RARS1: variants seen among roughly 807,000 people sequenced by gnomAD.
The protein encoded by RARS1 is arginyl-tRNA synthetase 1, also known as arginine--tRNA ligase, cytoplasmic.
Under a neutral mutation model 78.7 loss-of-function variants are expected in RARS1, and 75 were observed. The observed-to-expected ratio is 0.95, with a 90% CI of 0.79 to 1.15. The LOEUF (loss-of-function observed/expected upper bound fraction) is 1.15. RARS1 is among the 50% of genes most tolerant of loss of function. RARS1 has a pLI of 0.00. For synonymous variants in RARS1, 273 were observed against 268.2 expected, an observed-to-expected ratio of 1.02 and a Z score of -0.18; for missense variants, 787 against 787.5, an observed-to-expected ratio of 1.00 and a Z score of 0.01.
At chr5:168,506,539 A>G (rs143849027) in intron 10 of RARS1, among the ~76,000 whole-genome samples, 183 bp from the exon 11 acceptor site, 1 of 152,352 alleles carries the variant, frequency 6.6e-6, no homozygotes, top group East Asian at 1.9e-4. Flanking sequence ...AGAAAATGTA[A>G]CAGTGTTGCT....
chr5:168,501,856 A>G, intron 8 of RARS1, 145 bp from the exon 9 acceptor site: 1 of 1,232,930 alleles, frequency 8.1e-7, no homozygotes, highest in Admixed American at 3.7e-5. Flanking sequence ...GCATGTATAT[A>G]ATGTTCTATA....
Position 168,519,185 on chromosome 5 carries a change from A to T in RARS1, c.1978A>T (p.Met660Leu). The T allele has an allele frequency of 3.1e-6, 5 of 1,611,102 alleles. No individual in the cohort carries two copies. Among genetic ancestry groups the T allele is most frequent in the Non-Finnish European group, 4.2e-6 (5 of 1,177,712 alleles). The change falls in exon 15 of 15, where the codon ATG (methionine) becomes TTG (leucine). Residue 660 changes from methionine (M) to leucine (L), a missense_variant. By Grantham distance (15) the Met-to-Leu change is conservative. Coordinates refer to ENST00000231572, the MANE Select transcript of RARS1 (RefSeq NM_002887.4). Reference sequence around the variant, plus strand: ...CCTGGGAATAAAACCTGTCCAAAGGATGTAATCCTTCATAGGTTTGAACAC... The same window carrying T: ...CCTGGGAATAAAACCTGTCCAAAGGTTGTAATCCTTCATAGGTTTGAACAC... ...DILGIKPVQR[M>L] is the part of the protein sequence containing the mutation.
At position 168,497,348 on chromosome 5, in the gene RARS1, G is replaced by C; in HGVS notation, c.822G>C (p.Lys274Asn). 1 of 1,556,942 alleles carries C rather than the reference G, an allele frequency of 6.4e-7. No homozygotes were observed. Among genetic ancestry groups the C allele is most frequent in the Non-Finnish European group, 8.7e-7 (1 of 1,150,938 alleles). ...TTGGGGATCTTCAGGTCTTTTATAA[G>C]GTTTGATACCATTTCTTTTATATTA... is the stretch of plus-strand genomic sequence containing the variant. ...PPIGDLQVFY[K>N]ESKKRFDTEE... The change falls in exon 7 of 15, where the codon AAG becomes AAC. Residue 274 changes from lysine (K) to asparagine (N), a missense_variant and splice_region_variant. Lys to Asn is a moderately conservative substitution (Grantham distance 94). Transcript: ENST00000231572.
chr5:168,517,077 G>A lies in RARS1; in HGVS notation c.1625+127G>A, dbSNP rs528763312. 4.1e-6 allele frequency: 4 copies of A among 967,436 alleles called. No homozygotes were observed. In the East Asian group the frequency reaches 1.0e-4, roughly 24 times the overall value. The allele number at this position is 967,436 out of a possible 1,614,324, so 59.9% of individuals were successfully genotyped here. A position where few individuals can be genotyped will look rare whatever the true frequency, so the allele number is the denominator to read the frequency against. On this transcript the variant is annotated intron_variant, in intron 13 of 14. Coordinates refer to ENST00000231572, the MANE Select transcript of RARS1 (RefSeq NM_002887.4). Reference sequence around the variant, plus strand: ...GGGCTCAAATGATCCTCCCACCTCAGCCTCCTGAGTAGCTGGGATTACTGA... The same window carrying A: ...GGGCTCAAATGATCCTCCCACCTCAACCTCCTGAGTAGCTGGGATTACTGA...
In RARS1 at chr5:168,497,290, A is replaced by G. The variant is rs747871501; in HGVS notation, c.764A>G (p.Lys255Arg). The change falls in exon 7 of 15, where the codon AAA becomes AGA. Residue 255 changes from lysine (K) to arginine (R), a missense_variant. Transcript: ENST00000231572. ...ATGCTCATCGCTCACCTGCAAGACA[A>G]ATTTCCAGATTATCTAACAGTTTCA... ...FGMLIAHLQDKFPDYLTVSPP... is the reference protein window; with the variant it reads ...FGMLIAHLQDRFPDYLTVSPP... The G allele has an allele frequency of 4.8e-5, 76 of 1,592,508 alleles. No homozygotes were observed. In the South Asian group the frequency reaches 6.2e-4, roughly 13 times the overall value.
At chr5:168,518,097 G>GTTTTTTTTTTTTTTTTTTTTTTT (rs1561829748) in intron 14 of RARS1, 35 bp downstream of exon 14, 1 of 920,026 alleles carries the variant, frequency 1.1e-6, no homozygotes, top group African/African-American at 5.1e-5. Flanking sequence ...TTTTTTTTTA[G>GTTTTTTTTTTTTTTTTTTTTTTT]TGAGAGACAC....
At chr5:168,516,737 C>CA in intron 12 of RARS1, 41 bp from the exon 13 acceptor site, 1 of 1,595,892 alleles carries the variant, frequency 6.3e-7, no homozygotes, top group Non-Finnish European at 8.6e-7. Flanking sequence ...GCAGAAGCAG[C>CA]AGTCAGTAAG....
At position 168,494,653 on chromosome 5, in the gene RARS1, A is replaced by G. The variant is rs1236802218; in HGVS notation, c.579+3A>G. 1 of 1,530,492 alleles carries G rather than the reference A, an allele frequency of 6.5e-7. No homozygotes were observed. Among genetic ancestry groups the G allele is most frequent in the South Asian group, 1.1e-5 (1 of 89,336 alleles). 94.8% of individuals were successfully genotyped at this position (1,530,492 alleles called of 1,614,324 possible). A position where few individuals can be genotyped will look rare whatever the true frequency, so the allele number is the denominator to read the frequency against. On this transcript the variant is annotated splice_donor_region_variant and intron_variant, in intron 5 of 14. Transcript: ENST00000231572. Reference sequence around the variant, plus strand: ...CTGCTCTGGGAGAGAATAAAAAGGTATATGTACACTCTTCTATTAATATAT... The same window carrying G: ...CTGCTCTGGGAGAGAATAAAAAGGTGTATGTACACTCTTCTATTAATATAT...
At chr5:168,502,495 A>T (rs1758351651) in intron 9 of RARS1, among the ~76,000 whole-genome samples, 1 of 145,656 alleles carries the variant, frequency 6.9e-6, no homozygotes, top group Non-Finnish European at 1.5e-5. Context: ...ATAGACATGA[A>T]CTACCATACC....
chr5:168,507,980 A>C (rs1000341890), intron 11 of RARS1, among the ~76,000 whole-genome samples: 17 of 152,256 alleles, frequency 1.1e-4, no homozygotes, highest in African/African-American at 4.1e-4. Flanking sequence ...AGGCGAGATC[A>C]TATCACTGGG....
chr5:168,516,095 T>C (rs1481866249), intron 12 of RARS1, among the ~76,000 whole-genome samples: 2 of 152,154 alleles, frequency 1.3e-5, no homozygotes, highest in Non-Finnish European at 2.9e-5. Context: ...GATGGACTCC[T>C]TCCCAATGTT....
chr5:168,489,812 C>CT (rs35560247), intron 2 of RARS1, among the ~76,000 whole-genome samples: 17,886 of 130,304 alleles, frequency 0.14, 1,635 homozygotes, highest in Non-Finnish European at 0.18. Flanking sequence ...CTCATATTAT[C>CT]TTTTTTTTTT....
At chr5:168,518,245 C>G (rs975821704) in intron 14 of RARS1, among the ~76,000 whole-genome samples, 183 bp downstream of exon 14, 8 of 151,432 alleles carry the variant, frequency 5.3e-5, no homozygotes, top group Non-Finnish European at 1.2e-4. Context: ...GCCACTGCAC[C>G]CAGCTCCAAG....
Position 168,500,571 on chromosome 5 carries a change from T to A in RARS1, c.823-20T>A, listed in dbSNP as rs10042188. Reference sequence around the variant, plus strand: ...AGATCTTTTTACACACCTTACTTTTTAAAATATATATATATACAGGAATCT... The same window carrying A: ...AGATCTTTTTACACACCTTACTTTTAAAAATATATATATATACAGGAATCT... On this transcript the variant is annotated intron_variant, in intron 7 of 14. Coordinates refer to ENST00000231572, the MANE Select transcript of RARS1 (RefSeq NM_002887.4). 4.2e-3 allele frequency: 5,969 copies of A among 1,433,272 alleles called. 187 individuals are homozygous for A. In the African/African-American group the frequency reaches 0.079, roughly 19 times the overall value. The allele number at this position is 1,433,272 out of a possible 1,614,324, so 88.8% of individuals were successfully genotyped here.
intron 7 of RARS1, among the ~76,000 whole-genome samples, chr5:168,498,258 T>TA (rs901028478): frequency 9.3e-5 from 14 of 150,756 alleles, no homozygotes; most frequent in Admixed American, 4.0e-4. Context: ...TAAAAAAAAG[T>TA]AAAAAAAAAT....
At position 168,510,639 on chromosome 5, in the gene RARS1, G is replaced by A; in HGVS notation, c.1405G>A (p.Gly469Arg). 6.2e-7 allele frequency: 1 copy of A among 1,610,692 alleles called. No individual in the cohort carries two copies. The highest frequency in any genetic ancestry group is 8.5e-7 in the Non-Finnish European group (1 of 1,179,026). The change falls in exon 12 of 15, where the codon GGA (glycine) becomes AGA (arginine). Residue 469 changes from glycine (G) to arginine (R), a missense_variant. Transcript: ENST00000231572. ...TVRLMDLLGEGLKRSMDKLKE... is the reference protein window; with the variant it reads ...TVRLMDLLGERLKRSMDKLKE... ...GCGCCTCATGGATCTTCTGGGAGAAGGACTAAAACGATCCATGGACAAGTT... is the reference window on the plus strand; with the variant it reads ...GCGCCTCATGGATCTTCTGGGAGAAAGACTAAAACGATCCATGGACAAGTT...
intron 1 of RARS1, among the ~76,000 whole-genome samples, 165 bp from the exon 2 acceptor site, chr5:168,488,437 T>C (rs1242881875): frequency 6.6e-6 from 1 of 152,220 alleles, no homozygotes; most frequent in South Asian, 2.1e-4. Flanking sequence ...CAATATTTTC[T>C]TATTAAGGAT....
chr5:168,495,105 T>A (rs1170739607), intron 5 of RARS1: 12 of 823,978 alleles, frequency 1.5e-5, no homozygotes, highest in Non-Finnish European at 2.0e-5. Flanking sequence ...TGAATTTGAT[T>A]CTTTTTCAGT....
intron 3 of RARS1, 174 bp downstream of exon 3, chr5:168,493,021 C>T (rs916102417): frequency 4.5e-5 from 25 of 560,454 alleles, no homozygotes; most frequent in Non-Finnish European, 7.0e-5. Context: ...CTTTTTTAGG[C>T]ACAATTTTTA....
Sources: allele counts gnomAD v4.1 joint callset (sites outside exome capture counted in the v4.1 genomes callset), GRCh38; gene constraint gnomAD v4.1.1; transcripts MANE v1.5; gene names NCBI Gene and HGNC (gene_info 2026-07-23, HGNC 2026-07-21).